Variants in SLC4A10 observed in about 807,000 individuals in gnomAD.
The protein encoded by SLC4A10 is solute carrier family 4 member 10, also known as sodium-driven chloride bicarbonate exchanger.
In SLC4A10, 42 loss-of-function variants were observed where a neutral mutation model predicts 137.7. That is an observed-to-expected ratio of 0.30 (90% CI 0.24 to 0.39). The LOEUF is 0.39. SLC4A10 is among the 10% of genes least tolerant of loss of function. SLC4A10 has a pLI of 1.00. For synonymous variants in SLC4A10, 474 were observed against 464.1 expected (o/e 1.02, Z -0.27); for missense variants, 925 against 1,355.0 (o/e 0.68, Z 4.98).
intron 3 of SLC4A10, among the ~76,000 whole-genome samples, chr2:161,808,608 C>T (rs761156263): frequency 4.6e-5 from 7 of 152,100 alleles, no homozygotes; most frequent in African/African-American, 7.2e-5. Flanking sequence ...CTATTGTTCC[C>T]ATCTTAATGT....
chr2:161,911,528 CTA>C (rs1685854320), intron 15 of SLC4A10, among the ~76,000 whole-genome samples: 1 of 152,034 alleles, frequency 6.6e-6, no homozygotes, highest in Non-Finnish European at 1.5e-5. Flanking sequence ...ATTTAGAGAA[CTA>C]TCTGTTTCAA....
chr2:161,961,054 ACTAGAGACTTATTCAT>A (rs1269615716), intron 21 of SLC4A10, among the ~76,000 whole-genome samples: 1 of 152,212 alleles, frequency 6.6e-6, no homozygotes, highest in Non-Finnish European at 1.5e-5. Context: ...TGAAAAAGAG[ACTAGAGACTTATTCAT>A]CATATAGTAT....
chr2:161,914,828 A>T (rs1686728782), intron 15 of SLC4A10, among the ~76,000 whole-genome samples: 1 of 152,124 alleles, frequency 6.6e-6, no homozygotes, highest in South Asian at 2.1e-4. Flanking sequence ...AGGACTTTTT[A>T]AAAAATGATT....
chr2:161,755,120 A>C (rs1367295243), intron 1 of SLC4A10, among the ~76,000 whole-genome samples: 6 of 152,222 alleles, frequency 3.9e-5, no homozygotes, highest in Admixed American at 3.9e-4. Flanking sequence ...ATTATACATC[A>C]GACTCATTGA....
At chr2:161,908,845 G>C (rs931289389) in intron 15 of SLC4A10, among the ~76,000 whole-genome samples, 2 of 152,118 alleles carry the variant, frequency 1.3e-5, no homozygotes, top group South Asian at 4.2e-4. Flanking sequence ...AAGGAAGGCA[G>C]CAATGATGAA....
intron 2 of SLC4A10, among the ~76,000 whole-genome samples, chr2:161,786,826 T>G (rs1209846661): frequency 2.0e-5 from 3 of 150,422 alleles, no homozygotes; most frequent in Admixed American, 6.6e-5. Flanking sequence ...CTGTTCAAAG[T>G]TTATGCTTTA....
intron 15 of SLC4A10, among the ~76,000 whole-genome samples, chr2:161,907,564 G>T (rs957289782): frequency 6.6e-6 from 1 of 152,210 alleles, no homozygotes; most frequent in African/African-American, 2.4e-5. Flanking sequence ...GGAAATGAGT[G>T]CCGGGTTAAG....
chr2:161,787,082 C>A (rs2053711592), intron 2 of SLC4A10, among the ~76,000 whole-genome samples: 1 of 152,014 alleles, frequency 6.6e-6, no homozygotes, highest in Non-Finnish European at 1.5e-5. Context: ...ACGTTTACAA[C>A]ACCTTTGAGC....
At chr2:161,807,088 A>G (rs2056060643) in intron 3 of SLC4A10, among the ~76,000 whole-genome samples, 1 of 151,714 alleles carries the variant, frequency 6.6e-6, no homozygotes, top group Non-Finnish European at 1.5e-5. Flanking sequence ...GTGCAGGAAA[A>G]CTCTGCCTTA....
At chr2:161,712,933 A>G (rs916355384) in intron 1 of SLC4A10, among the ~76,000 whole-genome samples, 3 of 151,912 alleles carry the variant, frequency 2.0e-5, no homozygotes, top group Non-Finnish European at 4.4e-5. Context: ...GCAAGGATAT[A>G]AAAGTCTGTA....
chr2:161,763,345 G>C (rs2050446097), intron 1 of SLC4A10, among the ~76,000 whole-genome samples: 1 of 152,068 alleles, frequency 6.6e-6, no homozygotes, highest in African/African-American at 2.4e-5. Context: ...CATGTGTATA[G>C]GTCAGAGTCA....
chr2:161,642,916 T>C (rs2035514376), intron 1 of SLC4A10, among the ~76,000 whole-genome samples: 1 of 152,010 alleles, frequency 6.6e-6, no homozygotes, highest in African/African-American at 2.4e-5. Context: ...CAAAAATCAT[T>C]TGGTTCAAGT....
chr2:161,857,987 C>T (rs1411103093), intron 5 of SLC4A10, among the ~76,000 whole-genome samples: 1 of 152,166 alleles, frequency 6.6e-6, no homozygotes, highest in Non-Finnish European at 1.5e-5. Context: ...GCTAGGATTA[C>T]AGGCATGAGT....
At chr2:161,724,414 A>T (rs1358898116) in intron 1 of SLC4A10, among the ~76,000 whole-genome samples, 1 of 152,202 alleles carries the variant, frequency 6.6e-6, no homozygotes, top group Non-Finnish European at 1.5e-5. Context: ...ATACTGAGGC[A>T]TTGGTAGTTT....
intron 1 of SLC4A10, among the ~76,000 whole-genome samples, chr2:161,650,177 T>G (rs1310969678): frequency 6.6e-6 from 1 of 152,254 alleles, no homozygotes; most frequent in East Asian, 1.9e-4. Context: ...TTGTTTTTCA[T>G]GATCTTGATA....
chr2:161,792,841 G>T (rs937242181), intron 2 of SLC4A10, among the ~76,000 whole-genome samples: 1 of 152,092 alleles, frequency 6.6e-6, no homozygotes, highest in African/African-American at 2.4e-5. Flanking sequence ...TCAATAGGGT[G>T]CTTGAGTTCT....
At chr2:161,870,414 G>A (rs1321359638) in intron 6 of SLC4A10, among the ~76,000 whole-genome samples, 1 of 151,644 alleles carries the variant, frequency 6.6e-6, no homozygotes, top group Non-Finnish European at 1.5e-5. Flanking sequence ...CTAAATAATT[G>A]TTCTTCCATG....
At chr2:161,836,577 AAAGAAAGAAAGAAAGAAAGAAAGG>A (rs1173724560) in intron 3 of SLC4A10, among the ~76,000 whole-genome samples, 4,248 of 132,392 alleles carry the variant, frequency 0.032, 236 homozygotes, top group Non-Finnish European at 0.038. Context: ...AGAAAGAAAG[AAAGAAAGAAAGAAAGAAAGAAAGG>A]AAGGAAGGAA....
chr2:161,637,155 A>C (rs969221454), intron 1 of SLC4A10, among the ~76,000 whole-genome samples: 2 of 148,648 alleles, frequency 1.3e-5, no homozygotes, highest in African/African-American at 2.5e-5. Context: ...GTATATAGAT[A>C]TATACGTATA....
Sources: allele counts gnomAD v4.1 joint callset (sites outside exome capture counted in the v4.1 genomes callset), GRCh38; gene constraint gnomAD v4.1.1; transcripts MANE v1.5; gene names NCBI Gene and HGNC (gene_info 2026-07-23, HGNC 2026-07-21).